SLC9A4: variants seen among roughly 807,000 people sequenced by gnomAD.
SLC9A4 encodes sodium/hydrogen exchanger 4.
SLC9A4 carries 63 observed loss-of-function variants against 67.4 expected under a neutral mutation model. That is an observed-to-expected ratio of 0.93 (90% CI 0.76 to 1.15). The LOEUF is 1.15. SLC9A4 is among the 50% of genes most tolerant of loss of function. The pLI is 0.00. For missense variants in SLC9A4, 1,089 were observed against 987.7 expected, an observed-to-expected ratio of 1.10 and a Z score of -1.38; for synonymous variants, 393 against 367.2, an observed-to-expected ratio of 1.07 and a Z score of -0.80.
chr2:102,478,791 C>A (rs1380549541), intron 1 of SLC9A4, 48 bp from the exon 2 acceptor site: 8 of 1,573,752 alleles, frequency 5.1e-6, no homozygotes, highest in Non-Finnish European at 6.1e-6. Context: ...CAGGTACACC[C>A]AGACCGTTTC....
Position 102,484,829 on chromosome 2 carries a change from C to G in SLC9A4, c.720+5527C>G, listed in dbSNP as rs116452098. On this transcript the variant is annotated intron_variant, in intron 2 of 11. Transcript: ENST00000295269. ...AAGCTGGAACCCAAGCAGCCTGACTCCAGGGTGTCTCTGCTCTTGACTGCC... is the reference window on the plus strand; with the variant it reads ...AAGCTGGAACCCAAGCAGCCTGACTGCAGGGTGTCTCTGCTCTTGACTGCC... Among the ~76,000 whole-genome samples the G allele has an allele frequency of 9.5e-3, 1,441 of 152,258 alleles. 19 individuals are homozygous for G. Among genetic ancestry groups the G allele is most frequent in the African/African-American group, 0.033 (1,367 of 41,544 alleles).
At position 102,532,640 on chromosome 2, in the gene SLC9A4, C is replaced by T. The variant is rs112026219; in HGVS notation, c.2349C>T (p.His783=). 636 of 1,614,046 alleles carry T rather than the reference C, an allele frequency of 3.9e-4. 3 individuals are homozygous for T. In the African/African-American group the frequency reaches 7.2e-3, roughly 18 times the overall value. ...CGAGGTGGACAGCTGACCATGGACA[C>T]GGCAGGGACCATCACAGGTCCCATA... is the stretch of plus-strand genomic sequence containing the variant. ...VRSRWTADHG[H]GRDHHRSHSP... Residue 783 remains histidine, a synonymous_variant, in exon 12 of 12, where the codon CAC becomes CAT. Coordinates refer to ENST00000295269, the MANE Select transcript of SLC9A4 (RefSeq NM_001011552.4).
At chr2:102,512,476 G>C (rs1423081252) in intron 7 of SLC9A4, among the ~76,000 whole-genome samples, 1 of 152,180 alleles carries the variant, frequency 6.6e-6, no homozygotes, top group African/African-American at 2.4e-5. Context: ...CAGTTGACTT[G>C]GTGTAGGTTG....
At chr2:102,513,338 T>C (rs1292319808) in intron 7 of SLC9A4, among the ~76,000 whole-genome samples, 2 of 152,196 alleles carry the variant, frequency 1.3e-5, no homozygotes, top group Non-Finnish European at 2.9e-5. Context: ...CGGAAAGCTA[T>C]GTGCCCCTCT....
At chr2:102,487,549 T>A (rs1245422744) in intron 2 of SLC9A4, among the ~76,000 whole-genome samples, 1 of 152,204 alleles carries the variant, frequency 6.6e-6, no homozygotes, top group African/African-American at 2.4e-5. Flanking sequence ...GGCACTGTAT[T>A]ATTTCATTGC....
intron 2 of SLC9A4, among the ~76,000 whole-genome samples, chr2:102,495,814 A>G (rs2104426411): frequency 6.6e-6 from 1 of 152,314 alleles, no homozygotes; most frequent in South Asian, 2.1e-4. Flanking sequence ...ATCCATGTGG[A>G]AAACATGAAA....
Position 102,505,490 on chromosome 2 carries a change from C to A in SLC9A4, c.1198+19C>A. 1 of 1,608,472 alleles carries A rather than the reference C, an allele frequency of 6.2e-7. No homozygotes were observed. The highest frequency in any genetic ancestry group is 8.5e-7 in the Non-Finnish European group (1 of 1,176,732). The stretch of plus-strand genomic sequence containing the variant: ...GCCATCAGTAAGAGACGGCAGGGCT[C>A]CAGAGTCTCCGGTCCTGCTGCATTT... On this transcript the variant is annotated intron_variant, in intron 4 of 11. Coordinates refer to ENST00000295269, the MANE Select transcript of SLC9A4 (RefSeq NM_001011552.4).
At chr2:102,480,828 T>C (rs1684446532) in intron 2 of SLC9A4, among the ~76,000 whole-genome samples, 1 of 152,182 alleles carries the variant, frequency 6.6e-6, no homozygotes, top group East Asian at 1.9e-4. Context: ...GACAACAGTT[T>C]ATCAGTCACC....
intron 2 of SLC9A4, among the ~76,000 whole-genome samples, chr2:102,502,414 G>C (rs1315100649): frequency 6.6e-6 from 1 of 152,184 alleles, no homozygotes; most frequent in African/African-American, 2.4e-5. Context: ...CGGTCTAGGT[G>C]CAATCAGGTA....
At chr2:102,476,692 G>A (rs955031592) in intron 1 of SLC9A4, among the ~76,000 whole-genome samples, 4 of 152,048 alleles carry the variant, frequency 2.6e-5, no homozygotes, top group Non-Finnish European at 5.9e-5. Flanking sequence ...AAACGGTAAG[G>A]AGAAAGAGAA....
At position 102,508,908 on chromosome 2, in the gene SLC9A4, C is replaced by G; in HGVS notation, c.1463C>G (p.Ser488Cys). ...GTTAAAAAAACCAATAAAAAAGAAT[C>G]CATCAATGAAGAGCTTCATATTCGT... ...LDVKKTNKKE[S>C]INEELHIRLM... Residue 488 changes from serine to cysteine, a missense_variant, in exon 6 of 12, where the codon TCC (serine) becomes TGC (cysteine). Physicochemically the swap from Ser to Cys is moderately radical, Grantham distance 112 (BLOSUM62 -1). Transcript: ENST00000295269. 6.2e-7 allele frequency: 1 copy of G among 1,612,702 alleles called. No homozygotes were observed. Among genetic ancestry groups the G allele is most frequent in the Non-Finnish European group, 8.5e-7 (1 of 1,179,474 alleles).
At chr2:102,495,560 T>A (rs557143545) in intron 2 of SLC9A4, among the ~76,000 whole-genome samples, 1 of 152,152 alleles carries the variant, frequency 6.6e-6, no homozygotes, top group Non-Finnish European at 1.5e-5. Flanking sequence ...CATGAAGCAA[T>A]GTCTAAAACT....
At chr2:102,514,803 G>A (rs1347358034) in intron 8 of SLC9A4, among the ~76,000 whole-genome samples, 1 of 152,170 alleles carries the variant, frequency 6.6e-6, no homozygotes, top group African/African-American at 2.4e-5. Flanking sequence ...TTTGTCTTGA[G>A]TCTATGTGAG....
At chr2:102,483,922 A>C (rs1220766615) in intron 2 of SLC9A4, among the ~76,000 whole-genome samples, 1 of 148,812 alleles carries the variant, frequency 6.7e-6, no homozygotes, top group Non-Finnish European at 1.5e-5. Flanking sequence ...TTTATATATT[A>C]ACATATTAGC....
In SLC9A4 at chr2:102,500,010, G is replaced by C. The variant is rs540710530; in HGVS notation, c.721-3438G>C. The stretch of plus-strand genomic sequence containing the variant: ...TTGTTTATAAAAGCTGTACTGGCTG[G>C]AATAGTGTCCCCTCAAAAATCCATG... On this transcript the variant is annotated intron_variant, in intron 2 of 11. Coordinates refer to ENST00000295269, the MANE Select transcript of SLC9A4 (RefSeq NM_001011552.4). Among the ~76,000 whole-genome samples the C allele has an allele frequency of 4.7e-3, 717 of 152,280 alleles. 4 individuals are homozygous for C. Among genetic ancestry groups the C allele is most frequent in the Non-Finnish European group, 5.8e-3 (396 of 68,026 alleles).
Position 102,473,491 on chromosome 2 carries a change from C to CAGGT in SLC9A4, c.-266_-263dup, listed in dbSNP as rs1196045441. On this transcript the variant is annotated 5_prime_UTR_variant, in exon 1 of 12. An upstream open reading frame in the 5' UTR gains an earlier in-frame stop. Coordinates refer to ENST00000295269, the MANE Select transcript of SLC9A4 (RefSeq NM_001011552.4). The stretch of plus-strand genomic sequence containing the variant: ...AAGCCATGATTGGATGGAGGTCCTC[C>CAGGT]AGGTAGCTCCATGGACTTTAACAAG... 4.4e-6 allele frequency: 2 copies of CAGGT among 450,650 alleles called. No individual in the cohort carries two copies. Among genetic ancestry groups the CAGGT allele is most frequent in the Non-Finnish European group, 7.9e-6 (2 of 252,772 alleles). 27.9% of individuals were successfully genotyped at this position (450,650 alleles called of 1,614,324 possible).
chr2:102,492,330 T>C (rs1684720027), intron 2 of SLC9A4, among the ~76,000 whole-genome samples: 1 of 152,230 alleles, frequency 6.6e-6, no homozygotes, highest in South Asian at 2.1e-4. Context: ...CTAGCTGAAG[T>C]TCTCCATAAG....
At chr2:102,513,780 T>A (rs1685216303) in intron 7 of SLC9A4, among the ~76,000 whole-genome samples, 1 of 152,248 alleles carries the variant, frequency 6.6e-6, no homozygotes, top group Non-Finnish European at 1.5e-5. Flanking sequence ...GGAGCTGAGC[T>A]GGGCTGGGCC....
rs186234459 is a variant in SLC9A4 at position 102,489,592 on chromosome 2, T to C, written c.720+10290T>C. On this transcript the variant is annotated intron_variant, in intron 2 of 11. Transcript: ENST00000295269. Reference sequence around the variant, plus strand: ...ACCCTAGGTCAATAAACAGGATTTATTGATACACATACTTTTTTCTCCTCC... The same window carrying C: ...ACCCTAGGTCAATAAACAGGATTTACTGATACACATACTTTTTTCTCCTCC... Among the ~76,000 whole-genome samples the C allele has an allele frequency of 5.0e-4, 76 of 152,340 alleles. 1 individual carries two copies. Among genetic ancestry groups the C allele is most frequent in the Admixed American group, 7.2e-4 (11 of 15,306 alleles).
Sources: gnomAD v4.1 joint callset for allele counts (sites outside exome capture counted in the v4.1 genomes callset) on GRCh38, gnomAD v4.1.1 for gene constraint, MANE v1.5 for transcripts, NCBI Gene and HGNC (gene_info 2026-07-23, HGNC 2026-07-21) for gene names.